Variants in UBAC1 observed in about 807,000 individuals in gnomAD.
The protein encoded by UBAC1 is UBA domain containing 1, also known as ubiquitin-associated domain-containing protein 1.
Under a neutral mutation model 45.9 loss-of-function variants are expected in UBAC1, and 27 were observed. The ratio of observed to expected loss-of-function variants is 0.59; its 90% CI spans 0.43 to 0.81. The LOEUF is 0.81. Among genes scored for constraint, UBAC1 ranks in the 30% least tolerant of loss-of-function variants. The pLI is 0.00. For synonymous variants in UBAC1, 227 were observed against 215.5 expected, an observed-to-expected ratio of 1.05 and a Z score of -0.47; for missense variants, 529 against 539.2, an observed-to-expected ratio of 0.98 and a Z score of 0.19.
chr9:135,945,666 G>A lies in UBAC1; in HGVS notation c.653+223C>T, dbSNP rs942946281. 13 of 581,648 alleles carry A rather than the reference G, an allele frequency of 2.2e-5. 1 individual carries two copies. In the Admixed American group the frequency reaches 3.9e-4, roughly 17 times the overall value. 36.0% of individuals were successfully genotyped at this position (581,648 alleles called of 1,614,324 possible). ...CTGCTACGAACGGGATTCACCTTGA[G>A]TTCTCATACAACGGCCCAAAGAGAA... is the stretch of plus-strand genomic sequence containing the variant. On this transcript the variant is annotated intron_variant, in intron 6 of 9. Coordinates refer to ENST00000371756, the MANE Select transcript of UBAC1 (RefSeq NM_016172.3).
chr9:135,945,030 G>C lies in UBAC1; in HGVS notation c.874C>G (p.Arg292Gly). 2 of 1,613,110 alleles carry C rather than the reference G, an allele frequency of 1.2e-6. No individual in the cohort carries two copies. The highest frequency in any genetic ancestry group is 1.1e-5 in the South Asian group (1 of 90,866). The stretch of plus-strand genomic sequence containing the variant: ...GCGACAGGTCTAGTAACACATACCC[G>C]AGCATCAGCCCGAAACTCCCTTTTC... ...RRKREFRADARAVISLMEMGF... is the reference protein window; with the variant it reads ...RRKREFRADAGAVISLMEMGF... Residue 292 changes from arginine to glycine, a missense_variant and splice_region_variant, in exon 7 of 10, where the codon CGG (arginine) becomes GGG (glycine). Physicochemically the swap from Arg to Gly is moderately radical, Grantham distance 125 (BLOSUM62 -2). Transcript: ENST00000371756.
chr9:135,939,437 G>A (rs1211120275), intron 8 of UBAC1, among the ~76,000 whole-genome samples: 3 of 151,946 alleles, frequency 2.0e-5, no homozygotes, highest in African/African-American at 4.8e-5. Flanking sequence ...CACTCGCCCA[G>A]CCTGACACAC....
chr9:135,938,804 G>A (rs900954878), intron 8 of UBAC1, among the ~76,000 whole-genome samples: 3 of 150,464 alleles, frequency 2.0e-5, no homozygotes, highest in Admixed American at 6.6e-5. Context: ...CCACTGGCAC[G>A]GGGGATGGTG....
intron 1 of UBAC1, among the ~76,000 whole-genome samples, chr9:135,959,069 A>G (rs1839501129): frequency 6.6e-6 from 1 of 152,238 alleles, no homozygotes; most frequent in African/African-American, 2.4e-5. Flanking sequence ...ATGAGTAGGT[A>G]TCTGTGGATC....
At position 135,946,009 on chromosome 9, in the gene UBAC1, C is replaced by T. The variant is rs367633101; in HGVS notation, c.545-12G>A. The T allele has an allele frequency of 7.5e-5, 121 of 1,611,976 alleles. No individual in the cohort carries two copies. In the East Asian group the frequency reaches 1.8e-3, roughly 24 times the overall value. ...CTCGTCCAGCATTGCTGCAGGGAGA[C>T]GACAGGGCCATGAGGGCTCCAGCCT... On this transcript the variant is annotated splice_polypyrimidine_tract_variant and intron_variant, in intron 5 of 9. Coordinates refer to ENST00000371756, the MANE Select transcript of UBAC1 (RefSeq NM_016172.3).
intron 1 of UBAC1, among the ~76,000 whole-genome samples, chr9:135,958,382 G>C (rs74312190): frequency 6.6e-6 from 1 of 152,152 alleles, no homozygotes; most frequent in Non-Finnish European, 1.5e-5. Flanking sequence ...ACTACCTGTT[G>C]TACAAGACAG....
chr9:135,937,438 C>T (rs1839213628), intron 9 of UBAC1, among the ~76,000 whole-genome samples: 1 of 51,778 alleles, frequency 1.9e-5, no homozygotes, highest in Non-Finnish European at 4.1e-5. Context: ...GAGACTCTGT[C>T]TCAAAAAAAA....
Position 135,933,358 on chromosome 9 carries a change from A to G in UBAC1, c.*42T>C, listed in dbSNP as rs767351518. 2.5e-6 allele frequency: 4 copies of G among 1,568,680 alleles called. No individual in the cohort carries two copies. The highest frequency in any genetic ancestry group is 1.1e-5 in the South Asian group (1 of 90,158). On this transcript the variant is annotated 3_prime_UTR_variant, in exon 10 of 10. Coordinates refer to ENST00000371756, the MANE Select transcript of UBAC1 (RefSeq NM_016172.3). ...ACTCTGCCCGGTCTCGGGCCGCACCAGGGGGCTGCTGTGGCCTGATAGCCG... is the reference window on the plus strand; with the variant it reads ...ACTCTGCCCGGTCTCGGGCCGCACCGGGGGGCTGCTGTGGCCTGATAGCCG...
Position 135,955,334 on chromosome 9 carries a change from C to T in UBAC1, c.220G>A (p.Asp74Asn). The stretch of plus-strand genomic sequence containing the variant: ...TTCTCTTCCAGGATGGTCCTGGCAT[C>T]ACTCAGCACCCTCTCTGAGGCAGCG... ...IHAASERVLS[D>N]ARTILEENIQ... is the part of the protein sequence containing the mutation. The change falls in exon 2 of 10, where the codon GAT becomes AAT. Residue 74 changes from aspartate (D) to asparagine (N), a missense_variant. By Grantham distance (23) the Asp-to-Asn change is conservative. Coordinates refer to ENST00000371756, the MANE Select transcript of UBAC1 (RefSeq NM_016172.3). 1 of 1,605,782 alleles carries T rather than the reference C, an allele frequency of 6.2e-7. No homozygotes were observed. The highest frequency in any genetic ancestry group is 8.5e-7 in the Non-Finnish European group (1 of 1,177,856).
At chr9:135,949,659 C>A (rs922365038) in intron 3 of UBAC1, among the ~76,000 whole-genome samples, 9 of 152,328 alleles carry the variant, frequency 5.9e-5, no homozygotes, top group African/African-American at 2.2e-4. Flanking sequence ...GGAAGTCAGG[C>A]TCCACCAGAC....
In UBAC1 at chr9:135,945,074, A is replaced by G. The variant is rs777379288; in HGVS notation, c.830T>C (p.Ile277Thr). The change falls in exon 7 of 10, where the codon ATC (isoleucine) becomes ACC (threonine). Residue 277 changes from isoleucine to threonine, a missense_variant. Ile to Thr is a moderately conservative substitution (Grantham distance 89, BLOSUM62 -1). Transcript: ENST00000371756. ...CCTTTTCCTCCGGATCTTCTTGAAG[A>G]TTTCCGTCAGCTCATCTCTGGCCTC... The part of the protein sequence containing the change: ...DEEARDELTE[I>T]FKKIRRKREF... 4.3e-5 allele frequency: 69 copies of G among 1,613,018 alleles called. No individual in the cohort carries two copies. The highest frequency in any genetic ancestry group is 5.7e-5 in the Non-Finnish European group (67 of 1,179,572).
Position 135,948,928 on chromosome 9 carries a change from G to A in UBAC1, c.334-1023C>T, listed in dbSNP as rs116227373. Among the ~76,000 whole-genome samples, 1,177 of 152,066 alleles carry A rather than the reference G, an allele frequency of 7.7e-3. 9 individuals carry two copies. The highest frequency in any genetic ancestry group is 0.027 in the African/African-American group (1,105 of 41,464). On this transcript the variant is annotated intron_variant, in intron 3 of 9. Transcript: ENST00000371756. ...CTACTAAAAAGACAAAAATAAGCCC[G>A]GTGTCCTGGTGCACACCTGTAATCC...
chr9:135,935,217 T>C (rs1473419205), intron 9 of UBAC1, among the ~76,000 whole-genome samples: 2 of 152,156 alleles, frequency 1.3e-5, no homozygotes, highest in African/African-American at 4.8e-5. Context: ...CTGTCTTCTG[T>C]ATATCCTAAC....
At chr9:135,958,712 G>A (rs1839496094) in intron 1 of UBAC1, among the ~76,000 whole-genome samples, 1 of 152,176 alleles carries the variant, frequency 6.6e-6, no homozygotes, top group African/African-American at 2.4e-5. Flanking sequence ...GGCTTCCAGA[G>A]AGACATTCAA....
In UBAC1 at chr9:135,938,118, T is replaced by A. The variant is rs1477995344; in HGVS notation, c.1102+104A>T. The A allele has an allele frequency of 3.3e-6, 5 of 1,500,256 alleles. No homozygotes were observed. The East Asian group carries it at 1.1e-4, about 34-fold the overall frequency. 92.9% of individuals were successfully genotyped at this position (1,500,256 alleles called of 1,614,324 possible). A position where few individuals can be genotyped will look rare whatever the true frequency, so the allele number is the denominator to read the frequency against. On this transcript the variant is annotated intron_variant, in intron 9 of 9. Coordinates refer to ENST00000371756, the MANE Select transcript of UBAC1 (RefSeq NM_016172.3). ...ACGTGCTGCCAGCGCACGGCGATCC[T>A]CAGCGCTGGATCCTCCGTATCGCCT...
chr9:135,953,342 G>A (rs1354347962), intron 3 of UBAC1, among the ~76,000 whole-genome samples: 1 of 151,978 alleles, frequency 6.6e-6, no homozygotes, highest in Non-Finnish European at 1.5e-5. Context: ...TTTTGAGATG[G>A]AGTCTTACTC....
chr9:135,943,218 G>C (rs1839290017), intron 7 of UBAC1, among the ~76,000 whole-genome samples: 1 of 152,156 alleles, frequency 6.6e-6, no homozygotes, highest in African/African-American at 2.4e-5. Context: ...TCAGGAGTTT[G>C]AGACGAGCCT....
intron 7 of UBAC1, 35 bp from the exon 8 acceptor site, chr9:135,939,794 C>G: frequency 6.3e-7 from 1 of 1,587,022 alleles, no homozygotes; most frequent in Non-Finnish European, 8.6e-7. Context: ...TCGCTGGGGG[C>G]GGCAGGAGGC....
chr9:135,941,819 G>A (rs1210020475), intron 7 of UBAC1, among the ~76,000 whole-genome samples: 3 of 152,252 alleles, frequency 2.0e-5, no homozygotes, highest in Non-Finnish European at 2.9e-5. Context: ...GGAAGGGAGG[G>A]GCAGCAGGAA....
Sources: gnomAD v4.1 joint callset for allele counts (sites outside exome capture counted in the v4.1 genomes callset) on GRCh38, gnomAD v4.1.1 for gene constraint, MANE v1.5 for transcripts, NCBI Gene and HGNC (gene_info 2026-07-23, HGNC 2026-07-21) for gene names.